ITSN1: variants seen among roughly 807,000 people sequenced by gnomAD.
ITSN1 encodes the protein intersectin-1.
In ITSN1, 58 loss-of-function variants were observed where a neutral mutation model predicts 239.8. The observed-to-expected ratio is 0.24, with a 90% CI of 0.20 to 0.30. The LOEUF (loss-of-function observed/expected upper bound fraction) is 0.30, where lower values mean the gene tolerates loss of function less well. Ranked by LOEUF, ITSN1 falls within the 10% of genes least tolerant of loss-of-function variation. The pLI is 1.00. For missense variants in ITSN1, 1,558 were observed against 2,103.3 expected (o/e 0.74, Z 5.07); for synonymous variants, 780 against 770.8 (o/e 1.01, Z -0.20).
intron 1 of ITSN1, among the ~76,000 whole-genome samples, chr21:33,681,707 G>A (rs946347313): frequency 1.3e-5 from 2 of 150,692 alleles, no homozygotes; most frequent in Non-Finnish European, 3.0e-5. Flanking sequence ...GTCTCGCTCT[G>A]TCGCCCAGGC....
chr21:33,713,377 C>A (rs960587974), intron 1 of ITSN1, among the ~76,000 whole-genome samples: 2 of 151,346 alleles, frequency 1.3e-5, no homozygotes, highest in Admixed American at 1.3e-4. Context: ...GTAGCTGGGA[C>A]TACAGGCGCC....
Position 33,851,028 on chromosome 21 carries a change from G to A in ITSN1, c.3662-5708G>A, listed in dbSNP as rs77252848. 5.1e-3 allele frequency among the ~76,000 whole-genome samples: 779 copies of A among 152,296 alleles called. 9 individuals carry two copies. Among genetic ancestry groups the A allele is most frequent in the African/African-American group, 0.017 (691 of 41,552 alleles). On this transcript the variant is annotated intron_variant, in intron 29 of 39. Coordinates refer to ENST00000381318, the MANE Select transcript of ITSN1 (RefSeq NM_003024.3). ...ATGTCCCCAGAGACAAAAGGGAAAGGTAGATCCTTTCCCTTAAAGATGAAA... is the reference window on the plus strand; with the variant it reads ...ATGTCCCCAGAGACAAAAGGGAAAGATAGATCCTTTCCCTTAAAGATGAAA...
intron 5 of ITSN1, among the ~76,000 whole-genome samples, chr21:33,741,078 T>C (rs2066821013): frequency 6.6e-6 from 1 of 152,250 alleles, no homozygotes; most frequent in South Asian, 2.1e-4. Context: ...CAGTGTCTTT[T>C]TGAGGTTAGC....
At chr21:33,719,577 T>C (rs1230397713) in intron 2 of ITSN1, among the ~76,000 whole-genome samples, 1 of 152,240 alleles carries the variant, frequency 6.6e-6, no homozygotes, top group Non-Finnish European at 1.5e-5. Context: ...TTTGTTTAAA[T>C]TGGGATCCAA....
chr21:33,728,479 C>T (rs369897938), intron 4 of ITSN1, among the ~76,000 whole-genome samples: 2 of 152,190 alleles, frequency 1.3e-5, no homozygotes, highest in Non-Finnish European at 2.9e-5. Context: ...CCGCCTGCCT[C>T]GGCCTCCCAA....
intron 5 of ITSN1, among the ~76,000 whole-genome samples, chr21:33,744,867 TAAG>T (rs1341534948): frequency 6.6e-6 from 1 of 152,206 alleles, no homozygotes; most frequent in Non-Finnish European, 1.5e-5. Context: ...TAATTTACCT[TAAG>T]AAGATCCTAA....
rs2148557434 is a variant in ITSN1, at chr21:33,882,507, A to T, written c.4554+52A>T. ...ATCAGGGTTGACGTGTTTGGGGAGGAAGAAGTTTCCAAAAAGGAGGTAGAG... is the reference window on the plus strand; with the variant it reads ...ATCAGGGTTGACGTGTTTGGGGAGGTAGAAGTTTCCAAAAAGGAGGTAGAG... On this transcript the variant is annotated intron_variant, in intron 35 of 39. Transcript: ENST00000381318. This position sits in a 1 kb window ranked among gnomAD's most constrained non-coding sequence, Gnocchi z 4.5. 3 of 1,519,228 alleles carry T rather than the reference A, an allele frequency of 2.0e-6. No homozygotes were observed. The highest frequency in any genetic ancestry group is 2.7e-6 in the Non-Finnish European group (3 of 1,103,890). The allele number at this position is 1,519,228 out of a possible 1,614,324, so 94.1% of individuals were successfully genotyped here.
chr21:33,675,889 A>T (rs2090559838), intron 1 of ITSN1, among the ~76,000 whole-genome samples: 1 of 152,144 alleles, frequency 6.6e-6, no homozygotes, highest in South Asian at 2.1e-4. Flanking sequence ...ATACTTAGGG[A>T]CATTAATTCC....
intron 9 of ITSN1, among the ~76,000 whole-genome samples, chr21:33,765,027 C>A (rs2068621850): frequency 6.6e-6 from 1 of 152,252 alleles, no homozygotes; most frequent in Admixed American, 6.5e-5. Context: ...ATCTGGCCTG[C>A]ATCTGTTTTT....
At chr21:33,818,565 C>A in intron 23 of ITSN1, 93 bp downstream of exon 23, 1 of 1,136,698 alleles carries the variant, frequency 8.8e-7, no homozygotes. Flanking sequence ...ACAGGAGTTG[C>A]GGGATTAGTT....
At chr21:33,760,927 G>A (rs1328042305) in intron 8 of ITSN1, among the ~76,000 whole-genome samples, 2 of 151,946 alleles carry the variant, frequency 1.3e-5, no homozygotes, top group African/African-American at 2.4e-5. Context: ...CCTACTGTGC[G>A]TTTGTCTGAT....
intron 4 of ITSN1, among the ~76,000 whole-genome samples, chr21:33,734,298 G>T (rs1482627878): frequency 6.6e-6 from 1 of 152,074 alleles, no homozygotes; most frequent in African/African-American, 2.4e-5. Context: ...GATTCCTTTT[G>T]CTTACTCTTC....
intron 24 of ITSN1, among the ~76,000 whole-genome samples, chr21:33,821,819 G>C (rs149133170): frequency 2.0e-3 from 308 of 152,352 alleles, no homozygotes; most frequent in African/African-American, 7.2e-3. Context: ...ACTGGGGAAA[G>C]TATTGATGGC....
intron 1 of ITSN1, among the ~76,000 whole-genome samples, chr21:33,655,669 G>C (rs1419326503): frequency 2.0e-5 from 3 of 148,606 alleles, no homozygotes; most frequent in African/African-American, 7.5e-5. Context: ...CTGACCCAAA[G>C]TGATCTGCCT....
At chr21:33,741,162 G>C (rs2066826128) in intron 5 of ITSN1, among the ~76,000 whole-genome samples, 1 of 152,170 alleles carries the variant, frequency 6.6e-6, no homozygotes, top group African/African-American at 2.4e-5. Flanking sequence ...GCAGTATGCT[G>C]TGTCAAGCCT....
At chr21:33,668,958 C>T (rs527951927) in intron 1 of ITSN1, among the ~76,000 whole-genome samples, 3 of 152,294 alleles carry the variant, frequency 2.0e-5, no homozygotes, top group East Asian at 1.9e-4. Flanking sequence ...GATGCCTAGG[C>T]GGCTGAAGGG....
chr21:33,836,755 C>T (rs970864994), intron 29 of ITSN1, 123 bp downstream of exon 29: 12 of 845,038 alleles, frequency 1.4e-5, no homozygotes, highest in Non-Finnish European at 2.3e-5. Flanking sequence ...GCTGCATTCG[C>T]AGTCGTCTCT....
At chr21:33,794,657 T>C (rs1030772977) in intron 17 of ITSN1, among the ~76,000 whole-genome samples, 189 bp downstream of exon 17, 1 of 152,214 alleles carries the variant, frequency 6.6e-6, no homozygotes, top group Non-Finnish European at 1.5e-5. Context: ...CTCTGAAGTT[T>C]TTGGTTGGTT....
chr21:33,850,020 A>T (rs2075108880), intron 29 of ITSN1, among the ~76,000 whole-genome samples: 1 of 152,194 alleles, frequency 6.6e-6, no homozygotes, highest in Admixed American at 6.5e-5. Context: ...ACCACAGAGG[A>T]TGTAAAGCTG....
Sources: allele counts gnomAD v4.1 joint callset (sites outside exome capture counted in the v4.1 genomes callset), GRCh38; gene constraint gnomAD v4.1.1; non-coding constraint Gnocchi (gnomAD v3.1); transcripts MANE v1.5; gene names NCBI Gene and HGNC (gene_info 2026-07-23, HGNC 2026-07-21).